Variants in HPSE2 observed in about 807,000 individuals in gnomAD.
HPSE2 encodes the protein heparanase 2 (inactive), also known as inactive heparanase-2.
A neutral mutation model predicts 60.5 loss-of-function variants in HPSE2; 38 were observed. That is an observed-to-expected ratio of 0.63 (90% CI 0.48 to 0.82). HPSE2 has a LOEUF of 0.82. Ranked by LOEUF, HPSE2 falls within the 40% of genes least tolerant of loss-of-function variation. The probability of loss-of-function intolerance (pLI) is 0.00; values close to 1 mark genes in which losing one functional copy is unlikely to be tolerated. For synonymous variants in HPSE2, 295 were observed against 293.2 expected (o/e 1.01, Z -0.06); for missense variants, 713 against 740.4 (o/e 0.96, Z 0.43).
rs1226575980 is a variant in HPSE2 at position 99,012,968 on chromosome 10, T to G, written c.610+131270A>C. On this transcript the variant is annotated intron_variant, in intron 3 of 11. Transcript: ENST00000370552. Reference sequence around the variant, plus strand: ...CATCTTTGTTTTCAAATAAGTGGTCTTACTTTTTCTTCTCATAGAAAAAGT... The same window carrying G: ...CATCTTTGTTTTCAAATAAGTGGTCGTACTTTTTCTTCTCATAGAAAAAGT... 1.3e-5 allele frequency: 4 copies of G among 315,696 alleles called. No homozygotes were observed. The Admixed American group carries it at 1.5e-4, about 12-fold the overall frequency. The allele number at this position is 315,696 out of a possible 1,614,324, so 19.6% of individuals were successfully genotyped here.
At chr10:99,235,272 A>G (rs1849802690) in intron 1 of HPSE2, among the ~76,000 whole-genome samples, 1 of 152,210 alleles carries the variant, frequency 6.6e-6, no homozygotes, top group Non-Finnish European at 1.5e-5. Context: ...GTCATAACTG[A>G]TAAGTTTCTG....
chr10:98,852,891 G>A (rs543175996), intron 3 of HPSE2, among the ~76,000 whole-genome samples: 18 of 152,292 alleles, frequency 1.2e-4, no homozygotes, highest in African/African-American at 4.1e-4. Context: ...GCCACTAGGG[G>A]CTTGCTGACC....
chr10:99,077,693 C>T, intron 3 of HPSE2, among the ~76,000 whole-genome samples: 1 of 136,274 alleles, frequency 7.3e-6, no homozygotes. Context: ...ATATCCATTT[C>T]AGATATATGT....
chr10:98,924,998 G>A (rs1056804000), intron 3 of HPSE2, among the ~76,000 whole-genome samples: 4 of 152,146 alleles, frequency 2.6e-5, no homozygotes, highest in East Asian at 3.9e-4. Flanking sequence ...CTGTAACAGG[G>A]CAGCACTGAG....
At chr10:98,962,103 T>C (rs1473194217) in intron 3 of HPSE2, among the ~76,000 whole-genome samples, 1 of 19,278 alleles carries the variant, frequency 5.2e-5, no homozygotes, top group African/African-American at 2.1e-4. Flanking sequence ...TTGATCTATA[T>C]CTCTGTTTTG....
intron 3 of HPSE2, among the ~76,000 whole-genome samples, chr10:99,124,021 C>T (rs562978527): frequency 1.3e-5 from 2 of 151,948 alleles, no homozygotes; most frequent in African/African-American, 2.4e-5. Flanking sequence ...GTTGTCCTGA[C>T]GTCTGTGCAG....
intron 3 of HPSE2, among the ~76,000 whole-genome samples, chr10:98,750,000 G>C (rs1461208213): frequency 7.1e-6 from 1 of 140,862 alleles, no homozygotes; most frequent in African/African-American, 2.6e-5. Context: ...CAGAAAACAG[G>C]CCCTACCCTC....
chr10:98,655,029 G>A (rs750991749), intron 6 of HPSE2, among the ~76,000 whole-genome samples: 7 of 152,196 alleles, frequency 4.6e-5, no homozygotes, highest in Non-Finnish European at 1.0e-4. Context: ...TGGTGTGGCA[G>A]TAAGTTGTGG....
At chr10:99,222,958 G>A (rs980568273) in intron 2 of HPSE2, among the ~76,000 whole-genome samples, 76 of 152,138 alleles carry the variant, frequency 5.0e-4, no homozygotes, top group South Asian at 6.2e-4. Context: ...TAGGGGTTTC[G>A]GAGCCAGACA....
chr10:99,068,428 A>G (rs555072080), intron 3 of HPSE2, among the ~76,000 whole-genome samples: 5 of 152,328 alleles, frequency 3.3e-5, no homozygotes, highest in East Asian at 1.9e-4. Flanking sequence ...GCAAAGTCAC[A>G]TCTTACATGG....
At chr10:98,974,176 C>T (rs1301307122) in intron 3 of HPSE2, among the ~76,000 whole-genome samples, 2 of 151,982 alleles carry the variant, frequency 1.3e-5, no homozygotes, top group Non-Finnish European at 2.9e-5. Context: ...CCCGTAATCA[C>T]AGCTACTCAG....
At chr10:98,702,418 C>G (rs1017023255) in intron 5 of HPSE2, among the ~76,000 whole-genome samples, 8 of 152,134 alleles carry the variant, frequency 5.3e-5, no homozygotes, top group African/African-American at 1.9e-4. Flanking sequence ...AGAAAATTAA[C>G]AAGGATATTC....
At chr10:98,478,120 A>G (rs1941095596) in intron 11 of HPSE2, among the ~76,000 whole-genome samples, 1 of 152,184 alleles carries the variant, frequency 6.6e-6, no homozygotes, top group East Asian at 1.9e-4. Flanking sequence ...GGCAATGGGT[A>G]GATTCTGTAT....
At chr10:98,818,198 T>C (rs987727339) in intron 3 of HPSE2, among the ~76,000 whole-genome samples, 2 of 152,134 alleles carry the variant, frequency 1.3e-5, no homozygotes, top group African/African-American at 4.8e-5. Flanking sequence ...ATCAGCACAA[T>C]GTTAGATGGC....
chr10:98,636,656 G>A (rs967384137), intron 7 of HPSE2, among the ~76,000 whole-genome samples: 1 of 152,118 alleles, frequency 6.6e-6, no homozygotes, highest in African/African-American at 2.4e-5. Flanking sequence ...GAAAAAGGAA[G>A]GAAGAAAGGA....
chr10:98,728,169 C>T (rs1003091297), intron 4 of HPSE2, among the ~76,000 whole-genome samples: 2 of 152,106 alleles, frequency 1.3e-5, no homozygotes, highest in Non-Finnish European at 2.9e-5. Context: ...ATTCATTACT[C>T]TTTTCTTCTC....
intron 3 of HPSE2, among the ~76,000 whole-genome samples, chr10:98,957,839 G>T (rs1352708682): frequency 6.6e-6 from 1 of 152,124 alleles, no homozygotes; most frequent in Non-Finnish European, 1.5e-5. Flanking sequence ...AGTAATATAA[G>T]ATTTCATTCT....
chr10:99,050,029 T>C (rs566127725), intron 3 of HPSE2, among the ~76,000 whole-genome samples: 1 of 152,344 alleles, frequency 6.6e-6, no homozygotes, highest in Non-Finnish European at 1.5e-5. Flanking sequence ...CTGGGCACAG[T>C]GGCTGAGGCC....
At chr10:98,487,126 G>A (rs1210998199) in intron 10 of HPSE2, among the ~76,000 whole-genome samples, 3 of 152,170 alleles carry the variant, frequency 2.0e-5, no homozygotes, top group East Asian at 1.9e-4. Flanking sequence ...AGAAACATAC[G>A]TTGTTTCAGC....
Sources: allele counts gnomAD v4.1 joint callset (sites outside exome capture counted in the v4.1 genomes callset), GRCh38; gene constraint gnomAD v4.1.1; transcripts MANE v1.5; gene names NCBI Gene and HGNC (gene_info 2026-07-23, HGNC 2026-07-21).